Variants in PGGHG observed in about 807,000 individuals in gnomAD.
The protein encoded by PGGHG is ATH1, acid trehalase-like 1.
PGGHG carries 67 observed loss-of-function variants against 74.5 expected under a neutral mutation model. That is an observed-to-expected ratio of 0.90 (90% CI 0.74 to 1.10). The LOEUF (loss-of-function observed/expected upper bound fraction) is 1.10. Ranked by LOEUF, PGGHG falls within the 50% of genes least tolerant of loss-of-function variation. The pLI is 0.00. For missense variants in PGGHG, 1,034 were observed against 981.5 expected (o/e 1.05, Z -0.72); for synonymous variants, 496 against 419.9 (o/e 1.18, Z -2.21).
rs761550456 is a variant in PGGHG, at chr11:289,791, T to A, written c.-13-13T>A. ...CAGTCCCGCGGCCCCTGACACCCCA[T>A]CAGGCCGCTCAGGCCCAGCAGCTCC... On this transcript the variant is annotated splice_polypyrimidine_tract_variant and intron_variant, in intron 1 of 13. Transcript: ENST00000409548. This position sits in a 1 kb window ranked among gnomAD's most constrained non-coding sequence, Gnocchi z 5.6. 4 of 1,540,640 alleles carry A rather than the reference T, an allele frequency of 2.6e-6. No homozygotes were observed. Among genetic ancestry groups the A allele is most frequent in the Non-Finnish European group, 3.5e-6 (4 of 1,141,270 alleles).
At position 290,610 on chromosome 11, in the gene PGGHG, G is replaced by A. The variant is rs1217804639; in HGVS notation, c.470+10G>A. The stretch of plus-strand genomic sequence containing the variant: ...ACTTCCAGGGAGCCCGGTAAGGAGG[G>A]GGCTGGATTTGCAGCCAGGGAGTCC... On this transcript the variant is annotated intron_variant, in intron 3 of 13. Coordinates refer to ENST00000409548, the MANE Select transcript of PGGHG (RefSeq NM_025092.5). The A allele has an allele frequency of 3.8e-6, 6 of 1,582,942 alleles. No homozygotes were observed. The highest frequency in any genetic ancestry group is 3.3e-4 in the Middle Eastern group (2 of 6,022).
At position 290,484 on chromosome 11, in the gene PGGHG, G is replaced by A; in HGVS notation, c.354G>A (p.Val118=). 6.5e-7 allele frequency: 1 copy of A among 1,550,228 alleles called. No homozygotes were observed. Among genetic ancestry groups the A allele is most frequent in the Non-Finnish European group, 8.7e-7 (1 of 1,146,942 alleles). The change falls in exon 3 of 14, where the codon GTG becomes GTA. Residue 118 remains valine, a synonymous_variant. Transcript: ENST00000409548. ...TGCCCCACGTGCTGGCTTTCCGAGTGTCCATCGCCCGCCTGGCCCCGGGGA... is the reference window on the plus strand; with the variant it reads ...TGCCCCACGTGCTGGCTTTCCGAGTATCCATCGCCCGCCTGGCCCCGGGGA... ...RTLPHVLAFR[V]SIARLAPGSG...
rs763521691 is a variant in PGGHG at position 293,429 on chromosome 11, G to T, written c.1407G>T (p.Ala469=). ...TTCCCATCCCCAGCCAGTGGCTGGC[G>T]GTGGCTGACAAGATCAAGGTACCCT... ...LGLPIPSQWL[A]VADKIKVPFD... is the part of the protein sequence containing the mutation. The change falls in exon 9 of 14, where the codon GCG becomes GCT. Residue 469 remains alanine (A), a synonymous_variant. Transcript: ENST00000409548. The T allele has an allele frequency of 1.9e-6, 3 of 1,612,346 alleles. No homozygotes were observed. Among genetic ancestry groups the T allele is most frequent in the African/African-American group, 2.7e-5 (2 of 74,916 alleles).
At position 295,020 on chromosome 11, in the gene PGGHG, A is replaced by C. The variant is rs1590293239; in HGVS notation, c.*271A>C. 4 of 330,710 alleles carry C rather than the reference A, an allele frequency of 1.2e-5. No homozygotes were observed. Among genetic ancestry groups the C allele is most frequent in the Non-Finnish European group, 2.2e-5 (4 of 182,438 alleles). 20.5% of individuals were successfully genotyped at this position (330,710 alleles called of 1,614,324 possible). A position where few individuals can be genotyped will look rare whatever the true frequency, so the allele number is the denominator to read the frequency against. ...CTATCGCGCACCGTCCCACGACCCC[A>C]CCCCGAGCTCCTGAAGCCGGGGTCT... On this transcript the variant is annotated 3_prime_UTR_variant, in exon 14 of 14. Coordinates refer to ENST00000409548, the MANE Select transcript of PGGHG (RefSeq NM_025092.5).
At position 294,613 on chromosome 11, in the gene PGGHG, T is replaced by C; in HGVS notation, c.2078T>C (p.Leu693Pro). 7.0e-7 allele frequency: 1 copy of C among 1,427,524 alleles called. No individual in the cohort carries two copies. The highest frequency in any genetic ancestry group is 9.3e-7 in the Non-Finnish European group (1 of 1,077,144). 88.4% of individuals were successfully genotyped at this position (1,427,524 alleles called of 1,614,324 possible). Residue 693 changes from leucine (L) to proline (P), a missense_variant, in exon 14 of 14, where the codon CTG becomes CCG. Coordinates refer to ENST00000409548, the MANE Select transcript of PGGHG (RefSeq NM_025092.5). ...CGGATACAAATGTCACCCCCGAAGC[T>C]GCCTGGAAGTTCCAGCTCCGAGTTC... ...AGRIQMSPPK[L>P]PGSSSSEFPG...
chr11:292,241 C>G, intron 5 of PGGHG, 146 bp downstream of exon 5: 1 of 1,247,408 alleles, frequency 8.0e-7, no homozygotes, highest in Non-Finnish European at 1.1e-6. Context: ...TGTGGGGCCT[C>G]AGCAGTGCCC....
chr11:290,803 A>T lies in PGGHG; in HGVS notation c.596A>T (p.Asp199Val). ...GAAGGTGAGGAGGCTAGGACGTGGG[A>T]CTTCCTGACAGCAGTGGGCGGCAGC... ...LGEGEEARTW[D>V]FLTAVGGSQA... Residue 199 changes from aspartate (D) to valine (V), a missense_variant, in exon 4 of 14, where the codon GAC (aspartate) becomes GTC (valine). Asp to Val is a radical substitution (Grantham distance 152). Transcript: ENST00000409548. The T allele has an allele frequency of 1.2e-6, 2 of 1,612,660 alleles. No homozygotes were observed. The highest frequency in any genetic ancestry group is 1.7e-6 in the Non-Finnish European group (2 of 1,179,870).
chr11:290,405 C>T lies in PGGHG; in HGVS notation c.275C>T (p.Thr92Ile), dbSNP rs1387159265. 1.9e-6 allele frequency: 3 copies of T among 1,545,854 alleles called. No individual in the cohort carries two copies. The highest frequency in any genetic ancestry group is 2.2e-4 in the Middle Eastern group (1 of 4,514). The change falls in exon 3 of 14, where the codon ACC becomes ATC. Residue 92 changes from threonine (T) to isoleucine (I), a missense_variant. By Grantham distance (89) the Thr-to-Ile change is moderately conservative. Transcript: ENST00000409548. ...GCCTCCCCAGGCTCCTTTCTTCACA[C>T]CCTGGAGGGCCCCCGCTTCCGGGCC... ...LDTNTGSFLHTLEGPRFRASQ... is the reference protein window; with the variant it reads ...LDTNTGSFLHILEGPRFRASQ...
At chr11:292,840 G>A (rs1463076627) in intron 6 of PGGHG, 46 bp from the exon 7 acceptor site, 2 of 1,612,794 alleles carry the variant, frequency 1.2e-6, no homozygotes, top group Non-Finnish European at 1.7e-6. Context: ...CACTAGGAAT[G>A]AGAGTGACTG....
intron 4 of PGGHG, chr11:291,695 G>C: frequency 2.7e-6 from 1 of 374,456 alleles, no homozygotes; most frequent in South Asian, 3.6e-5. Flanking sequence ...TTCACTGCCA[G>C]CCTGAAGCTG....
At chr11:294,220 G>A (rs1350918382) in intron 12 of PGGHG, 24 bp downstream of exon 12, 6 of 1,596,012 alleles carry the variant, frequency 3.8e-6, no homozygotes, top group African/African-American at 2.7e-5. Flanking sequence ...CTGGCAGAGG[G>A]CAGCCCATGC....
Position 294,467 on chromosome 11 carries a change from C to G in PGGHG, c.2009C>G (p.Ser670Cys). The G allele has an allele frequency of 8.1e-7, 1 of 1,235,010 alleles. No homozygotes were observed. The highest frequency in any genetic ancestry group is 1.1e-6 in the Non-Finnish European group (1 of 949,250). The allele number at this position is 1,235,010 out of a possible 1,614,324, so 76.5% of individuals were successfully genotyped here. A position where few individuals can be genotyped will look rare whatever the true frequency, so the allele number is the denominator to read the frequency against. The change falls in exon 13 of 14, where the codon TCC (serine) becomes TGC (cysteine). Residue 670 changes from serine to cysteine, a missense_variant. Coordinates refer to ENST00000409548, the MANE Select transcript of PGGHG (RefSeq NM_025092.5). ...AELWPSQSRL[S>C]LLPGHKVSFP... is the part of the protein sequence containing the mutation. ...CTGTGGCCATCCCAGTCCCGGCTCT[C>G]CCTGTTGCCAGGTAGAACAGCCCCC...
intron 4 of PGGHG, chr11:291,409 G>A (rs920597322): frequency 1.5e-5 from 6 of 395,374 alleles, no homozygotes; most frequent in Non-Finnish European, 2.3e-5. Flanking sequence ...ACAGTAGTGT[G>A]GCGCTTGGAG....
chr11:293,412 C>A lies in PGGHG; in HGVS notation c.1390C>A (p.Pro464Thr). 1 of 1,612,768 alleles carries A rather than the reference C, an allele frequency of 6.2e-7. No homozygotes were observed. Among genetic ancestry groups the A allele is most frequent in the African/African-American group, 1.3e-5 (1 of 75,028 alleles). ...GGCCCAGGACCTGGGTCTTCCCATC[C>A]CCAGCCAGTGGCTGGCGGTGGCTGA... is the stretch of plus-strand genomic sequence containing the variant. Reference protein sequence around the residue: ...ALAQDLGLPIPSQWLAVADKI... With the variant: ...ALAQDLGLPITSQWLAVADKI... The change falls in exon 9 of 14, where the codon CCC (proline) becomes ACC (threonine). Residue 464 changes from proline (P) to threonine (T), a missense_variant. Pro to Thr is a conservative substitution (Grantham distance 38, BLOSUM62 -1). Coordinates refer to ENST00000409548, the MANE Select transcript of PGGHG (RefSeq NM_025092.5).
At position 294,874 on chromosome 11, in the gene PGGHG, A is replaced by G. The variant is rs1205107149; in HGVS notation, c.*125A>G. The G allele has an allele frequency of 2.0e-5, 24 of 1,206,918 alleles. No homozygotes were observed. The highest frequency in any genetic ancestry group is 2.7e-5 in the Non-Finnish European group (24 of 875,842). The allele number at this position is 1,206,918 out of a possible 1,614,324, so 74.8% of individuals were successfully genotyped here. ...GCAGCCAGGCTCTCAGGGAAGGTCC[A>G]TGCTGCTTGGCCTGAGTTCAAGGCT... On this transcript the variant is annotated 3_prime_UTR_variant, in exon 14 of 14. Transcript: ENST00000409548.
At position 295,731 on chromosome 11, in the gene PGGHG, G is replaced by A. The variant is rs1244023377; in HGVS notation, c.*982G>A. ...TTCTGAAGTGAGGGCCGTGCCCCGG[G>A]TCCCATTTCTCCTTTCACTTGAGTC... On this transcript the variant is annotated 3_prime_UTR_variant, in exon 14 of 14. Coordinates refer to ENST00000409548, the MANE Select transcript of PGGHG (RefSeq NM_025092.5). 6.6e-6 allele frequency: 1 copy of A among 152,304 alleles called. No homozygotes were observed. Among genetic ancestry groups the A allele is most frequent in the African/African-American group, 2.4e-5 (1 of 41,468 alleles). The allele number at this position is 152,304 out of a possible 1,614,324, so 9.4% of individuals were successfully genotyped here. A position where few individuals can be genotyped will look rare whatever the true frequency, so the allele number is the denominator to read the frequency against.
At chr11:293,273 C>T (rs1305882529) in intron 8 of PGGHG, 38 bp downstream of exon 8, 1 of 1,605,028 alleles carries the variant, frequency 6.2e-7, no homozygotes. Context: ...CCCACCCCCG[C>T]CCCAGCTGGA....
At chr11:291,181 C>A (rs938945745) in intron 4 of PGGHG, 68 bp downstream of exon 4, 3 of 1,478,892 alleles carry the variant, frequency 2.0e-6, no homozygotes, top group African/African-American at 2.8e-5. Context: ...TCTCTGCCCT[C>A]CCTGGGACCA....
At position 294,825 on chromosome 11, in the gene PGGHG, CT is replaced by C. The variant is rs1845832271; in HGVS notation, c.*77del. ...TCTGCACCCACCCCTCCTGGGCACC[CT>C]CCTAGCCTGCCATCCCTCACCTGCA... On this transcript the variant is annotated 3_prime_UTR_variant, in exon 14 of 14. Coordinates refer to ENST00000409548, the MANE Select transcript of PGGHG (RefSeq NM_025092.5). The C allele has an allele frequency of 6.9e-7, 1 of 1,450,108 alleles. No homozygotes were observed. Among genetic ancestry groups the C allele is most frequent in the Non-Finnish European group, 9.3e-7 (1 of 1,078,442 alleles). 89.8% of individuals were successfully genotyped at this position (1,450,108 alleles called of 1,614,324 possible).
Sources: gnomAD v4.1 joint callset for allele counts on GRCh38, gnomAD v4.1.1 for gene constraint, Gnocchi (gnomAD v3.1) non-coding constraint, MANE v1.5 for transcripts, NCBI Gene and HGNC (gene_info 2026-07-23, HGNC 2026-07-21) for gene names.